CTSS: variants seen among roughly 807,000 people sequenced by gnomAD.
CTSS encodes the protein cathepsin S.
Under a neutral mutation model 39.9 loss-of-function variants are expected in CTSS, and 15 were observed. The ratio of observed to expected loss-of-function variants is 0.38; its 90% CI spans 0.25 to 0.58. The LOEUF (loss-of-function observed/expected upper bound fraction) is 0.58. Among genes scored for constraint, CTSS ranks in the 20% least tolerant of loss-of-function variants. The pLI, the probability that CTSS is intolerant of heterozygous loss-of-function variation, is 0.70. For synonymous variants in CTSS, 126 were observed against 138.2 expected, an observed-to-expected ratio of 0.91 and a Z score of 0.62; for missense variants, 250 against 398.2, an observed-to-expected ratio of 0.63 and a Z score of 3.17.
chr1:150,757,702 T>C (rs1653162464), intron 3 of CTSS, among the ~76,000 whole-genome samples, 156 bp downstream of exon 3: 1 of 152,226 alleles, frequency 6.6e-6, no homozygotes, highest in Non-Finnish European at 1.5e-5. Flanking sequence ...AAGAAATTTC[T>C]GTACACGTTC....
intron 6 of CTSS, among the ~76,000 whole-genome samples, chr1:150,749,721 C>T (rs1026709276): frequency 6.6e-6 from 1 of 151,752 alleles, no homozygotes; most frequent in Non-Finnish European, 1.5e-5. Flanking sequence ...ATGATCATAG[C>T]TCACTGTAAC....
chr1:150,735,617 C>T (rs1374591813), intron 7 of CTSS, among the ~76,000 whole-genome samples: 2 of 152,062 alleles, frequency 1.3e-5, no homozygotes, highest in Non-Finnish European at 2.9e-5. Flanking sequence ...TTGACAGAGT[C>T]TCACCGTGTT....
intron 7 of CTSS, among the ~76,000 whole-genome samples, chr1:150,733,689 C>T (rs756700005): frequency 2.6e-5 from 4 of 152,242 alleles, no homozygotes; most frequent in Admixed American, 2.0e-4. Flanking sequence ...ATGAGCCAGG[C>T]ATGGTGGCTC....
chr1:150,735,334 T>C (rs749943337), intron 7 of CTSS, among the ~76,000 whole-genome samples: 3 of 152,216 alleles, frequency 2.0e-5, no homozygotes, highest in Non-Finnish European at 2.9e-5. Context: ...CCTATTTTTT[T>C]CTCTCTGTAC....
chr1:150,743,121 T>C (rs896141705), intron 7 of CTSS, among the ~76,000 whole-genome samples: 3 of 152,060 alleles, frequency 2.0e-5, no homozygotes, highest in Admixed American at 2.0e-4. Context: ...TGCTTTGATA[T>C]AGCAAACTCA....
intron 2 of CTSS, among the ~76,000 whole-genome samples, chr1:150,760,912 G>A (rs587721128): frequency 1.5e-4 from 22 of 151,442 alleles, no homozygotes; most frequent in Middle Eastern, 3.4e-3. Context: ...TGGGCAAGGC[G>A]GCTTATGCTT....
chr1:150,762,034 A>G (rs1486190707), intron 2 of CTSS, among the ~76,000 whole-genome samples: 2 of 152,240 alleles, frequency 1.3e-5, no homozygotes, highest in African/African-American at 2.4e-5. Flanking sequence ...AATATATTAC[A>G]AAACTATAGT....
chr1:150,760,156 G>A (rs1450849085), intron 2 of CTSS, among the ~76,000 whole-genome samples: 1 of 152,166 alleles, frequency 6.6e-6, no homozygotes, highest in Non-Finnish European at 1.5e-5. Flanking sequence ...TAACCAGATA[G>A]TGGTGCTAAT....
intron 4 of CTSS, among the ~76,000 whole-genome samples, chr1:150,752,899 A>AC (rs1653035603): frequency 6.6e-6 from 1 of 152,114 alleles, no homozygotes; most frequent in African/African-American, 2.4e-5. Context: ...TGTCACTCAG[A>AC]CTGAAGTGCA....
chr1:150,747,974 A>G, intron 6 of CTSS, 95 bp from the exon 7 acceptor site: 2 of 801,054 alleles, frequency 2.5e-6, no homozygotes, highest in Admixed American at 2.3e-5. Context: ...CCTGCTTTGG[A>G]TACATAGCAA....
rs1398566080 is a variant in CTSS, at chr1:150,732,561, T to C, written c.*485A>G. ...ACATTACTAATTTACTTAGCAAACTTTATCCTGAGATTTGCAAATTTAAAA... is the reference window on the plus strand; with the variant it reads ...ACATTACTAATTTACTTAGCAAACTCTATCCTGAGATTTGCAAATTTAAAA... On this transcript the variant is annotated 3_prime_UTR_variant, in exon 8 of 8. Transcript: ENST00000368985. 1 of 153,376 alleles carries C rather than the reference T, an allele frequency of 6.5e-6. No homozygotes were observed. Among genetic ancestry groups the C allele is most frequent in the Non-Finnish European group, 1.5e-5 (1 of 68,864 alleles). 9.5% of individuals were successfully genotyped at this position (153,376 alleles called of 1,614,324 possible).
chr1:150,752,410 A>C (rs1452782021), intron 4 of CTSS, among the ~76,000 whole-genome samples: 1 of 152,194 alleles, frequency 6.6e-6, no homozygotes, highest in Non-Finnish European at 1.5e-5. Flanking sequence ...CTGTCATATG[A>C]TGCCTGAAAC....
At chr1:150,743,474 C>G (rs1264131831) in intron 7 of CTSS, among the ~76,000 whole-genome samples, 1 of 137,302 alleles carries the variant, frequency 7.3e-6, no homozygotes, top group Admixed American at 8.3e-5. Context: ...GCCTGTAATC[C>G]CAACACTTTG....
intron 7 of CTSS, among the ~76,000 whole-genome samples, chr1:150,743,627 G>C (rs1412135254): frequency 1.2e-5 from 1 of 81,384 alleles, no homozygotes; most frequent in African/African-American, 3.8e-5. Flanking sequence ...TGTATATTAT[G>C]TATACATAAT....
intron 2 of CTSS, among the ~76,000 whole-genome samples, chr1:150,761,048 G>A (rs55850526): frequency 0.058 from 8,794 of 151,802 alleles, 855 homozygotes; most frequent in African/African-American, 0.2. Context: ...GTGTGGTGGC[G>A]TGTGCCGGTA....
chr1:150,750,815 G>T (rs1190541146), intron 5 of CTSS, among the ~76,000 whole-genome samples: 1 of 151,042 alleles, frequency 6.6e-6, no homozygotes, highest in Non-Finnish European at 1.5e-5. Flanking sequence ...TAATTTTTTT[G>T]ATTTTTAGTA....
chr1:150,741,338 C>T (rs1652752576), intron 7 of CTSS, among the ~76,000 whole-genome samples: 1 of 152,002 alleles, frequency 6.6e-6, no homozygotes, highest in African/African-American at 2.4e-5. Flanking sequence ...TTATGTGTAT[C>T]TTTTTTCATT....
intron 4 of CTSS, among the ~76,000 whole-genome samples, chr1:150,754,132 A>C (rs1408871568): frequency 2.4e-5 from 3 of 126,734 alleles, no homozygotes; most frequent in Non-Finnish European, 4.8e-5. Flanking sequence ...TTTTTTTTTT[A>C]AGACAGGGTC....
At chr1:150,735,341 G>A (rs1652610572) in intron 7 of CTSS, among the ~76,000 whole-genome samples, 1 of 152,018 alleles carries the variant, frequency 6.6e-6, no homozygotes, top group African/African-American at 2.4e-5. Flanking sequence ...TTTTCTCTCT[G>A]TACCATTTAA....
Sources: gnomAD v4.1 joint callset for allele counts (sites outside exome capture counted in the v4.1 genomes callset) on GRCh38, gnomAD v4.1.1 for gene constraint, MANE v1.5 for transcripts, NCBI Gene and HGNC (gene_info 2026-07-23, HGNC 2026-07-21) for gene names.